The following SLIT3 variants were observed in gnomAD, a reference collection of about 807,000 sequenced individuals.
SLIT3 encodes the protein slit homolog 3 protein.
Under a neutral mutation model 184.0 loss-of-function variants are expected in SLIT3, and 68 were observed. The ratio of observed to expected loss-of-function variants is 0.37; its 90% confidence interval spans 0.30 to 0.45. The LOEUF (loss-of-function observed/expected upper bound fraction) is 0.45, where lower values mean the gene tolerates loss of function less well. Ranked by LOEUF, SLIT3 falls within the 20% of genes least tolerant of loss-of-function variation. SLIT3 has a pLI of 1.00. For missense variants in SLIT3, 1,707 were observed against 2,026.0 expected (o/e 0.84, Z 3.02); for synonymous variants, 831 against 828.6 (o/e 1.00, Z -0.05).
At chr5:168,952,131 A>G (rs973553230) in intron 4 of SLIT3, among the ~76,000 whole-genome samples, 10 of 152,222 alleles carry the variant, frequency 6.6e-5, no homozygotes, top group Non-Finnish European at 1.2e-4. Context: ...GCTGTGGGTT[A>G]TAAACGAAGC....
intron 1 of SLIT3, among the ~76,000 whole-genome samples, chr5:169,283,900 G>T (rs1212116543): frequency 1.3e-5 from 2 of 152,280 alleles, no homozygotes; most frequent in East Asian, 3.9e-4. Context: ...AAAAGGTAAG[G>T]TTGGGGCTCC....
At chr5:168,939,301 T>C (rs1390039941) in intron 4 of SLIT3, among the ~76,000 whole-genome samples, 1 of 152,204 alleles carries the variant, frequency 6.6e-6, no homozygotes, top group Non-Finnish European at 1.5e-5. Flanking sequence ...TCTGAATCAC[T>C]ACATTATAAC....
At chr5:169,255,072 T>C (rs116522744) in intron 1 of SLIT3, among the ~76,000 whole-genome samples, 2,152 of 152,344 alleles carry the variant, frequency 0.014, 52 homozygotes, top group African/African-American at 0.048. Context: ...CACATGTTTA[T>C]GTGACGCTGG....
chr5:169,293,024 TC>T (rs1261396743), intron 1 of SLIT3, among the ~76,000 whole-genome samples: 1 of 152,104 alleles, frequency 6.6e-6, no homozygotes, highest in Non-Finnish European at 1.5e-5. Flanking sequence ...ACTAATACAG[TC>T]CAAGAAGATT....
At chr5:169,294,259 GAAA>G (rs11324544) in intron 1 of SLIT3, among the ~76,000 whole-genome samples, 4 of 129,946 alleles carry the variant, frequency 3.1e-5, no homozygotes, top group African/African-American at 3.0e-5. Flanking sequence ...AATGAGCATT[GAAA>G]AAAAAAAAAA....
At chr5:169,185,981 G>A (rs561515726) in intron 4 of SLIT3, among the ~76,000 whole-genome samples, 2 of 152,216 alleles carry the variant, frequency 1.3e-5, no homozygotes, top group East Asian at 3.9e-4. Context: ...TCTAAAATGG[G>A]GATAATATTG....
intron 4 of SLIT3, among the ~76,000 whole-genome samples, chr5:168,894,897 C>A (rs1181835076): frequency 3.3e-5 from 5 of 152,140 alleles, no homozygotes; most frequent in Non-Finnish European, 7.3e-5. Flanking sequence ...TAAGCAACAG[C>A]CTCCAGGAGA....
chr5:168,935,808 C>T (rs1762141314), intron 4 of SLIT3, among the ~76,000 whole-genome samples: 1 of 152,226 alleles, frequency 6.6e-6, no homozygotes, highest in African/African-American at 2.4e-5. Flanking sequence ...AATCCCATCA[C>T]TGTGCTCACA....
intron 4 of SLIT3, among the ~76,000 whole-genome samples, chr5:168,923,459 A>G (rs533433687): frequency 6.6e-6 from 1 of 151,530 alleles, no homozygotes; most frequent in East Asian, 1.9e-4. Flanking sequence ...CTTCCACCTT[A>G]AGTCACAGGG....
At chr5:169,223,776 C>T (rs1005234514) in intron 3 of SLIT3, among the ~76,000 whole-genome samples, 17 of 152,270 alleles carry the variant, frequency 1.1e-4, no homozygotes, top group Middle Eastern at 3.4e-3. Context: ...ACAAAACCAG[C>T]AAAGAGATTG....
chr5:169,213,280 A>C (rs1373508065), intron 3 of SLIT3, among the ~76,000 whole-genome samples: 5 of 152,210 alleles, frequency 3.3e-5, no homozygotes, highest in African/African-American at 9.6e-5. Context: ...CTCTTCAAGG[A>C]GAACCAGAAA....
At chr5:169,236,127 A>G (rs1765189857) in intron 3 of SLIT3, among the ~76,000 whole-genome samples, 2 of 152,108 alleles carry the variant, frequency 1.3e-5, no homozygotes, top group African/African-American at 4.8e-5. Flanking sequence ...TTACTCATTT[A>G]TTTCTGTGAG....
At chr5:169,293,703 A>C (rs1041597898) in intron 1 of SLIT3, among the ~76,000 whole-genome samples, 7 of 152,190 alleles carry the variant, frequency 4.6e-5, no homozygotes, top group African/African-American at 1.7e-4. Context: ...CTCTAGTGCC[A>C]CATTTTCCTA....
intron 4 of SLIT3, among the ~76,000 whole-genome samples, chr5:168,910,239 TTCTC>T (rs933820907): frequency 1.3e-5 from 2 of 152,258 alleles, no homozygotes; most frequent in African/African-American, 4.8e-5. Context: ...CAATGTAACT[TTCTC>T]TTTCTGTTGT....
intron 4 of SLIT3, among the ~76,000 whole-genome samples, chr5:168,958,800 T>G (rs922942944): frequency 6.6e-5 from 10 of 152,236 alleles, no homozygotes; most frequent in African/African-American, 2.2e-4. Flanking sequence ...TGTACCGACA[T>G]TCTTTTCTCC....
intron 4 of SLIT3, among the ~76,000 whole-genome samples, chr5:169,112,286 G>A (rs890279490): frequency 2.0e-5 from 3 of 152,158 alleles, no homozygotes; most frequent in Non-Finnish European, 2.9e-5. Context: ...TGACAGTGAG[G>A]GGCTCTCAGC....
At chr5:169,072,058 T>A (rs1003693645) in intron 4 of SLIT3, among the ~76,000 whole-genome samples, 1 of 152,138 alleles carries the variant, frequency 6.6e-6, no homozygotes. Context: ...TGTATGAGAA[T>A]GACCACATCC....
Position 168,671,385 on chromosome 5 carries a change from CGTT to C in SLIT3, c.3937_3939del (p.Asn1313del). On this transcript the variant is annotated inframe_deletion, in exon 34 of 36. Transcript: ENST00000519560. ...GGGAGGGCCTTGAAGTCCTGCAGCT[CGTT>C]GTTGATGCGCACCTCATGGATGCAT... The C allele has an allele frequency of 3.7e-6, 6 of 1,614,084 alleles. No homozygotes were observed. The highest frequency in any genetic ancestry group is 5.1e-6 in the Non-Finnish European group (6 of 1,180,016).
chr5:169,173,158 G>A (rs1160434862), intron 4 of SLIT3, among the ~76,000 whole-genome samples: 1 of 152,210 alleles, frequency 6.6e-6, no homozygotes, highest in Non-Finnish European at 1.5e-5. Context: ...CTACTTGGGA[G>A]GTTGAGGCAG....
Sources: gnomAD v4.1 joint callset for allele counts (sites outside exome capture counted in the v4.1 genomes callset) on GRCh38, gnomAD v4.1.1 for gene constraint, MANE v1.5 for transcripts, NCBI Gene and HGNC (gene_info 2026-07-23, HGNC 2026-07-21) for gene names.